The following DACH2 variants were observed in gnomAD, a reference collection of about 807,000 sequenced individuals.
DACH2 encodes the protein dachshund family transcription factor 2.
Under a neutral mutation model 35.8 loss-of-function variants are expected in DACH2, and 17 were observed. That is an observed-to-expected ratio of 0.48 (90% confidence interval 0.33 to 0.71). The LOEUF (loss-of-function observed/expected upper bound fraction) is 0.71, where lower values mean the gene tolerates loss of function less well. Ranked by LOEUF, DACH2 falls within the 30% of genes least tolerant of loss-of-function variation. DACH2 has a pLI of 0.02. For missense variants in DACH2, 469 were observed against 472.7 expected (o/e 0.99, Z 0.07); for synonymous variants, 195 against 177.3 (o/e 1.10, Z -0.79).
chrX:86,599,917 C>A (rs2039768188), intron 3 of DACH2, among the ~76,000 whole-genome samples: 1 of 111,621 alleles, frequency 9.0e-6, no homozygotes, highest in African/African-American at 3.3e-5. Context: ...TGTAATAGAG[C>A]TACTACCATA....
At chrX:86,427,880 G>C (rs1406015808) in intron 2 of DACH2, among the ~76,000 whole-genome samples, 1 of 111,927 alleles carries the variant, frequency 8.9e-6, no homozygotes, top group African/African-American at 3.2e-5. Flanking sequence ...TCTACTCTCA[G>C]AAAGGTTGAT....
intron 1 of DACH2, among the ~76,000 whole-genome samples, chrX:86,359,113 GTT>G (rs1491565070): frequency 0.06 from 6,382 of 105,774 alleles, 414 homozygotes; most frequent in African/African-American, 0.18. Flanking sequence ...GTGTGTGTGT[GTT>G]TGTGTGTGCA....
chrX:86,647,162 G>A (rs2040425467), intron 3 of DACH2, among the ~76,000 whole-genome samples: 1 of 109,982 alleles, frequency 9.1e-6, no homozygotes, highest in African/African-American at 3.3e-5. Flanking sequence ...ACCATCCAAC[G>A]ATCCCACTTC....
Position 86,829,686 on chromosome X carries a change from G to A in DACH2, c.1751-2420G>A, listed in dbSNP as rs942874970. 6 of 112,507 alleles carry A rather than the reference G, an allele frequency of 5.3e-5. 1 individual carries two copies. Among genetic ancestry groups the A allele is most frequent in the Non-Finnish European group, 9.4e-5 (5 of 53,205 alleles). 9.3% of individuals were successfully genotyped at this position (112,507 alleles called of 1,213,427 possible). Reference sequence around the variant, plus strand: ...TGTGGAGTGTCCACACTGACCTTCTGTGTCATGGCATATGCCCATGTCAGG... The same window carrying A: ...TGTGGAGTGTCCACACTGACCTTCTATGTCATGGCATATGCCCATGTCAGG... On this transcript the variant is annotated intron_variant, in intron 11 of 11. Coordinates refer to ENST00000373125, the MANE Select transcript of DACH2 (RefSeq NM_053281.3).
chrX:86,618,621 TATTA>T (rs1352431412), intron 3 of DACH2, among the ~76,000 whole-genome samples: 1 of 112,289 alleles, frequency 8.9e-6, no homozygotes, highest in Non-Finnish European at 1.9e-5. Flanking sequence ...TGTAAACTAT[TATTA>T]ATTGTTTAGT....
intron 2 of DACH2, chrX:86,481,910 T>A (rs2037942322): frequency 8.9e-6 from 1 of 112,580 alleles, no homozygotes; most frequent in Admixed American, 9.4e-5. Flanking sequence ...CATGAATTAT[T>A]ATTTTATTCA....
chrX:86,506,767 A>C (rs892855894), intron 2 of DACH2, among the ~76,000 whole-genome samples: 1 of 111,652 alleles, frequency 9.0e-6, no homozygotes, highest in African/African-American at 3.3e-5. Flanking sequence ...ATTAACACAG[A>C]GTGAACTGAT....
chrX:86,540,005 T>C (rs1403907801), intron 3 of DACH2, among the ~76,000 whole-genome samples: 1 of 111,692 alleles, frequency 9.0e-6, no homozygotes, highest in African/African-American at 3.3e-5. Flanking sequence ...ATTAAAAGTG[T>C]GAATGATTGC....
chrX:86,625,018 G>A (rs2040118324), intron 3 of DACH2, among the ~76,000 whole-genome samples: 1 of 111,635 alleles, frequency 9.0e-6, no homozygotes, highest in Non-Finnish European at 1.9e-5. Context: ...TATGGATTCT[G>A]TTTAATTTGA....
At chrX:86,744,113 A>G (rs984783291) in intron 7 of DACH2, among the ~76,000 whole-genome samples, 1 of 111,544 alleles carries the variant, frequency 9.0e-6, no homozygotes, top group Admixed American at 9.6e-5. Context: ...TTCAAGCATT[A>G]CTACAGATGT....
intron 6 of DACH2, among the ~76,000 whole-genome samples, chrX:86,727,859 G>T (rs1386945475): frequency 8.9e-6 from 1 of 111,773 alleles, no homozygotes; most frequent in Non-Finnish European, 1.9e-5. Flanking sequence ...CCATTGTCAG[G>T]TATTTGTTTA....
At chrX:86,831,981 C>A in intron 11 of DACH2, 125 bp from the exon 12 acceptor site, 1 of 428,935 alleles carries the variant, frequency 2.3e-6, no homozygotes, top group Non-Finnish European at 3.9e-6. Context: ...TTAAATTTTA[C>A]CAACACTAAA....
At chrX:86,183,766 G>A (rs1602262695) in intron 1 of DACH2, among the ~76,000 whole-genome samples, 1 of 111,605 alleles carries the variant, frequency 9.0e-6, no homozygotes, top group Non-Finnish European at 1.9e-5. Context: ...GCTCCTCTTT[G>A]TACCTCTGGT....
chrX:86,375,404 T>TATAC (rs1464478851), intron 1 of DACH2, among the ~76,000 whole-genome samples: 1 of 100,619 alleles, frequency 9.9e-6, no homozygotes, highest in African/African-American at 3.6e-5. Flanking sequence ...TATATATACA[T>TATAC]ATATATATGT....
chrX:86,622,706 A>G (rs1293026715), intron 3 of DACH2, among the ~76,000 whole-genome samples: 2 of 111,945 alleles, frequency 1.8e-5, no homozygotes, highest in Non-Finnish European at 3.8e-5. Context: ...TCCATGATCA[A>G]TCAGGAGAAA....
At chrX:86,279,099 G>T (rs1372723830) in intron 1 of DACH2, among the ~76,000 whole-genome samples, 8 of 111,963 alleles carry the variant, frequency 7.1e-5, no homozygotes, top group Non-Finnish European at 1.5e-4. Flanking sequence ...TGGGGGAAGG[G>T]GTGGCTGTGG....
intron 1 of DACH2, among the ~76,000 whole-genome samples, chrX:86,274,465 CT>C (rs1475599082): frequency 7.3e-5 from 1 of 13,738 alleles, no homozygotes; most frequent in Admixed American, 1.3e-3. Context: ...TTTTTTTTTT[CT>C]TTTTTTTTTG....
intron 3 of DACH2, among the ~76,000 whole-genome samples, chrX:86,556,135 G>A (rs751120974): frequency 1.1e-4 from 12 of 111,092 alleles, no homozygotes; most frequent in African/African-American, 3.9e-4. Flanking sequence ...TTTAATAACA[G>A]AACTCATAGA....
At chrX:86,736,532 A>G (rs1417724776) in intron 6 of DACH2, among the ~76,000 whole-genome samples, 1 of 111,369 alleles carries the variant, frequency 9.0e-6, no homozygotes, top group Non-Finnish European at 1.9e-5. Context: ...ATATTAGTTA[A>G]TATCAATTGC....
Sources: allele counts gnomAD v4.1 joint callset (sites outside exome capture counted in the v4.1 genomes callset), GRCh38; gene constraint gnomAD v4.1.1; transcripts MANE v1.5; gene names NCBI Gene and HGNC (gene_info 2026-07-23, HGNC 2026-07-21).